BRD1: variants seen among roughly 807,000 people sequenced by gnomAD.
BRD1 encodes bromodomain-containing protein 1.
A neutral mutation model predicts 107.7 loss-of-function variants in BRD1; 24 were observed. That is an observed-to-expected ratio of 0.22 (90% CI 0.16 to 0.31). BRD1 has a LOEUF of 0.31. Among genes scored for constraint, BRD1 ranks in the 10% least tolerant of loss-of-function variants. The pLI is 1.00. For synonymous variants in BRD1, 744 were observed against 686.1 expected (o/e 1.08, Z -1.32); for missense variants, 1,279 against 1,638.6 (o/e 0.78, Z 3.79).
intron 2 of BRD1, among the ~76,000 whole-genome samples, chr22:49,819,208 C>T (rs911825499): frequency 2.0e-5 from 3 of 151,836 alleles, no homozygotes; most frequent in Non-Finnish European, 4.4e-5. Flanking sequence ...TGCAGTGAGC[C>T]GAGATTATGC....
At chr22:49,775,541 G>A (rs750910553) in intron 12 of BRD1, 50 bp downstream of exon 12, 3 of 1,339,908 alleles carry the variant, frequency 2.2e-6, no homozygotes, top group Admixed American at 5.7e-5. Context: ...CGAGCCCACG[G>A]CCCCCAACCA....
intron 8 of BRD1, among the ~76,000 whole-genome samples, chr22:49,781,613 G>A (rs992513367): frequency 6.6e-6 from 1 of 151,758 alleles, no homozygotes; most frequent in Non-Finnish European, 1.5e-5. Context: ...GCCCCTGCCC[G>A]CCCCTGCCGC....
rs374865183 is a variant in BRD1 at position 49,774,212 on chromosome 22, C to G, written c.*21G>C. On this transcript the variant is annotated 3_prime_UTR_variant, in exon 13 of 13. Transcript: ENST00000404760. ...CAGCTTATCAACACTATGGACAAGA[C>G]CCGCGCTGGCGGCCGGGCCGTCAGT... 5.6e-6 allele frequency: 9 copies of G among 1,608,572 alleles called. No homozygotes were observed. Among genetic ancestry groups the G allele is most frequent in the Non-Finnish European group, 6.8e-6 (8 of 1,176,706 alleles).
At chr22:49,776,460 C>T (rs2059101226) in intron 10 of BRD1, among the ~76,000 whole-genome samples, 2 of 152,200 alleles carry the variant, frequency 1.3e-5, no homozygotes, top group Admixed American at 6.5e-5. Context: ...CCCTCCTTGC[C>T]GCAAGGACGG....
chr22:49,781,746 A>G (rs1016937785), intron 8 of BRD1, among the ~76,000 whole-genome samples: 2 of 152,278 alleles, frequency 1.3e-5, no homozygotes, highest in Non-Finnish European at 2.9e-5. Context: ...GACAAAGGAG[A>G]GCCCACTATC....
At chr22:49,809,548 A>AAAAAT (rs376173597) in intron 2 of BRD1, among the ~76,000 whole-genome samples, 368 of 147,876 alleles carry the variant, frequency 2.5e-3, no homozygotes, top group Middle Eastern at 3.5e-3. Flanking sequence ...CTCCAAAAAA[A>AAAAAT]ATATATATAT....
At chr22:49,784,158 A>T (rs1383030682) in intron 8 of BRD1, among the ~76,000 whole-genome samples, 1 of 145,868 alleles carries the variant, frequency 6.9e-6, no homozygotes, top group East Asian at 2.0e-4. Flanking sequence ...ACATCCCCAC[A>T]CTCTCAAGCC....
chr22:49,821,556 G>A (rs1411844221), intron 2 of BRD1, among the ~76,000 whole-genome samples: 1 of 151,910 alleles, frequency 6.6e-6, no homozygotes, highest in East Asian at 1.9e-4. Flanking sequence ...AAAGAAACTG[G>A]ACTTCACTTT....
Position 49,799,103 on chromosome 22 carries a change from T to G in BRD1, c.1541A>C (p.Glu514Ala), listed in dbSNP as rs747497145. 7.2e-5 allele frequency: 115 copies of G among 1,608,070 alleles called. No individual in the cohort carries two copies. Among genetic ancestry groups the G allele is most frequent in the Non-Finnish European group, 9.5e-5 (112 of 1,179,826 alleles). The change falls in exon 4 of 13, where the codon GAG becomes GCG. Residue 514 changes from glutamate to alanine, a missense_variant. By Grantham distance (107) the Glu-to-Ala change is moderately radical. Transcript: ENST00000404760. ...RSSQQRENDE[E>A]MKAAKEKLKY... ...CAGCTTCTCTTTGGCAGCCTTCATC[T>G]CCTCATCATTTTCTCTCTGAGAACA... is the stretch of plus-strand genomic sequence containing the variant.
At chr22:49,795,495 C>T (rs558104673) in intron 6 of BRD1, among the ~76,000 whole-genome samples, 5 of 152,208 alleles carry the variant, frequency 3.3e-5, no homozygotes, top group Admixed American at 1.3e-4. Flanking sequence ...ATCTGAAAGG[C>T]GCTGACACTC....
intron 2 of BRD1, among the ~76,000 whole-genome samples, chr22:49,810,652 C>G (rs372897068): frequency 6.6e-6 from 1 of 152,160 alleles, no homozygotes; most frequent in Non-Finnish European, 1.5e-5. Flanking sequence ...CCAATGAAAA[C>G]ATGGCAAAGA....
chr22:49,796,091 GT>G lies in BRD1; in HGVS notation c.2098+1713del, dbSNP rs1046931233. Among the ~76,000 whole-genome samples the G allele has an allele frequency of 4.0e-4, 54 of 135,032 alleles. No individual in the cohort carries two copies. In the South Asian group the frequency reaches 4.5e-3, roughly 11 times the overall value. 88.6% of individuals were successfully genotyped at this position (135,032 alleles called of 152,430 possible). Reference sequence around the variant, plus strand: ...AAGAATAAAAATATATTTCCATTGTGTTTTCTTTTTTTTTTTTTTGAGACAG... The same window carrying G: ...AAGAATAAAAATATATTTCCATTGTGTTTCTTTTTTTTTTTTTTGAGACAG... On this transcript the variant is annotated intron_variant, in intron 6 of 12. Coordinates refer to ENST00000404760, the MANE Select transcript of BRD1 (RefSeq NM_001304808.3).
chr22:49,806,785 G>T (rs895619584), intron 2 of BRD1: 1 of 152,204 alleles, frequency 6.6e-6, no homozygotes, highest in African/African-American at 2.4e-5. Flanking sequence ...ATCACCTGAG[G>T]TCAGCAGTTC....
In BRD1 at chr22:49,797,789, C is replaced by A. The variant is rs771787557; in HGVS notation, c.2098+16G>T. ...GAGCGTCTTCCACCTCCTCCGGACA[C>A]GGCGCCAGTTCTTACCGTCTTCCCA... On this transcript the variant is annotated intron_variant, in intron 6 of 12. Transcript: ENST00000404760. 1.3e-6 allele frequency: 2 copies of A among 1,571,322 alleles called. No individual in the cohort carries two copies. The highest frequency in any genetic ancestry group is 1.8e-5 in the Admixed American group (1 of 56,306).
At chr22:49,782,054 C>G (rs1428287343) in intron 8 of BRD1, among the ~76,000 whole-genome samples, 2 of 151,052 alleles carry the variant, frequency 1.3e-5, no homozygotes, top group Non-Finnish European at 2.9e-5. Flanking sequence ...GAGACAGACC[C>G]AAGGCCTATG....
At chr22:49,813,761 G>A (rs1029649742) in intron 2 of BRD1, among the ~76,000 whole-genome samples, 4 of 151,750 alleles carry the variant, frequency 2.6e-5, no homozygotes, top group Admixed American at 6.6e-5. Context: ...CCCAGGAGGC[G>A]GAGGCTGCAG....
chr22:49,826,676 C>T (rs892377708), intron 1 of BRD1, among the ~76,000 whole-genome samples: 1 of 152,234 alleles, frequency 6.6e-6, no homozygotes, highest in Non-Finnish European at 1.5e-5. Context: ...TTGTGTGCAG[C>T]ACACAGCACT....
At chr22:49,822,533 C>A (rs906616363) in intron 2 of BRD1, among the ~76,000 whole-genome samples, 7 of 151,520 alleles carry the variant, frequency 4.6e-5, no homozygotes, top group African/African-American at 1.7e-4. Flanking sequence ...CATGGTGAAA[C>A]CCCGTCTCTA....
Position 49,824,752 on chromosome 22 carries a change from G to T in BRD1, c.-14-421C>A. On this transcript the variant is annotated intron_variant, in intron 1 of 12. Transcript: ENST00000404760. This position sits in a 1 kb window ranked among gnomAD's most constrained non-coding sequence, Gnocchi z 5.9. ...ACAGGGCTGGACCCCACCAGGCACA[G>T]AGGCTATGCCCACCAGACAGGCATG... is the stretch of plus-strand genomic sequence containing the variant. The T allele has an allele frequency of 9.6e-7, 1 of 1,038,604 alleles. No individual in the cohort carries two copies. Among genetic ancestry groups the T allele is most frequent in the Non-Finnish European group, 1.2e-6 (1 of 861,154 alleles). 64.3% of individuals were successfully genotyped at this position (1,038,604 alleles called of 1,614,324 possible).
Sources: allele counts gnomAD v4.1 joint callset (sites outside exome capture counted in the v4.1 genomes callset), GRCh38; gene constraint gnomAD v4.1.1; non-coding constraint Gnocchi (gnomAD v3.1); transcripts MANE v1.5; gene names NCBI Gene and HGNC (gene_info 2026-07-23, HGNC 2026-07-21).